ATP2B2: variants seen among roughly 807,000 people sequenced by gnomAD.
ATP2B2 encodes plasma membrane calcium-transporting ATPase 2.
A neutral mutation model predicts 120.0 loss-of-function variants in ATP2B2; 15 were observed. The observed-to-expected ratio is 0.12, with a 90% confidence interval of 0.08 to 0.19. The LOEUF (loss-of-function observed/expected upper bound fraction) is 0.19, where lower values mean the gene tolerates loss of function less well. ATP2B2 is among the 10% of genes least tolerant of loss of function. ATP2B2 has a pLI of 1.00. For synonymous variants in ATP2B2, 694 were observed against 700.3 expected (o/e 0.99, Z 0.14); for missense variants, 1,045 against 1,719.8 (o/e 0.61, Z 6.94).
chr3:10,458,339 G>T (rs2064352484), intron 1 of ATP2B2, among the ~76,000 whole-genome samples: 1 of 152,198 alleles, frequency 6.6e-6, no homozygotes, highest in Non-Finnish European at 1.5e-5. Flanking sequence ...GTCAGGATGT[G>T]CAGGCTGGGT....
chr3:10,345,467 T>C lies in ATP2B2; in HGVS notation c.2620A>G (p.Ser874Gly). ...TGGAACTGCAAGAATTTGGAGATGC[T>C]GTCATAGACGTTGCGGCCCCACATC... ...AVMWGRNVYD[S>G]ISKFLQFQLT... is the part of the protein sequence containing the mutation. The change falls in exon 18 of 23, where the codon AGC becomes GGC. Residue 874 changes from serine (S) to glycine (G), a missense_variant. Transcript: ENST00000360273. 1 of 1,614,204 alleles carries C rather than the reference T, an allele frequency of 6.2e-7. No individual in the cohort carries two copies. The highest frequency in any genetic ancestry group is 8.5e-7 in the Non-Finnish European group (1 of 1,180,028).
intron 14 of ATP2B2, among the ~76,000 whole-genome samples, chr3:10,352,634 C>T (rs3774186): frequency 6.6e-5 from 10 of 151,788 alleles, no homozygotes; most frequent in Admixed American, 2.0e-4. Context: ...TTGGGGGCCA[C>T]GTGAGCAAGG....
rs116502198 is a variant in ATP2B2, at chr3:10,589,488, C to A, written c.-415+30429G>T. 3.4e-3 allele frequency among the ~76,000 whole-genome samples: 520 copies of A among 152,262 alleles called. 3 individuals are homozygous for A. Among genetic ancestry groups the A allele is most frequent in the African/African-American group, 0.012 (487 of 41,548 alleles). On this transcript the variant is annotated intron_variant, in intron 2 of 21. Coordinates refer to the ATP2B2 transcript ENST00000646379. Reference sequence around the variant, plus strand: ...CCTGTTGCCAAACGCAGTTCCGCTGCGATGCAAGTATATGTTAATGCTGTC... The same window carrying A: ...CCTGTTGCCAAACGCAGTTCCGCTGAGATGCAAGTATATGTTAATGCTGTC...
rs2059874544 is a variant in ATP2B2 at position 10,327,300 on chromosome 3, T to C, written c.*1514A>G. On this transcript the variant is annotated 3_prime_UTR_variant, in exon 23 of 23. Coordinates refer to ENST00000360273, the MANE Select transcript of ATP2B2 (RefSeq NM_001001331.4). Reference sequence around the variant, plus strand: ...GCTTTCTGTTTGGGAAAGCAAGACTTGCTGTTAAAAGGCTACAGTATATAT... The same window carrying C: ...GCTTTCTGTTTGGGAAAGCAAGACTCGCTGTTAAAAGGCTACAGTATATAT... The C allele has an allele frequency of 6.5e-6, 1 of 154,254 alleles. No homozygotes were observed. Among genetic ancestry groups the C allele is most frequent in the Non-Finnish European group, 1.4e-5 (1 of 69,238 alleles). 9.6% of individuals were successfully genotyped at this position (154,254 alleles called of 1,614,324 possible).
intron 14 of ATP2B2, among the ~76,000 whole-genome samples, chr3:10,356,155 CGTGTGTGTGTGT>C (rs911717639): frequency 1.9e-4 from 5 of 26,532 alleles, no homozygotes; most frequent in Non-Finnish European, 2.8e-4. Context: ...TGCGTGTGTG[CGTGTGTGTGTGT>C]GTGTGTGTGT....
chr3:10,640,696 C>G (rs533423438), intron 1 of ATP2B2, among the ~76,000 whole-genome samples: 1 of 151,844 alleles, frequency 6.6e-6, no homozygotes, highest in East Asian at 1.9e-4. Flanking sequence ...CACCCCAGCC[C>G]CCATTCCCCA....
At chr3:10,530,757 G>A (rs936054360) in intron 3 of ATP2B2, among the ~76,000 whole-genome samples, 1 of 152,194 alleles carries the variant, frequency 6.6e-6, no homozygotes, top group Non-Finnish European at 1.5e-5. Flanking sequence ...AGGCCCCTCA[G>A]ATGGGAATTA....
intron 2 of ATP2B2, among the ~76,000 whole-genome samples, chr3:10,546,934 C>T (rs1365547270): frequency 1.3e-5 from 2 of 152,236 alleles, no homozygotes; most frequent in Non-Finnish European, 2.9e-5. Context: ...AGCATCTGCG[C>T]AATGTCCTCT....
intron 1 of ATP2B2, among the ~76,000 whole-genome samples, chr3:10,662,516 G>A (rs548781992): frequency 7.3e-6 from 1 of 137,278 alleles, no homozygotes; most frequent in East Asian, 2.2e-4. Flanking sequence ...GGCCATCAGA[G>A]AAATGCAAAT....
chr3:10,652,265 C>G (rs1364158796), intron 1 of ATP2B2, among the ~76,000 whole-genome samples: 1 of 152,124 alleles, frequency 6.6e-6, no homozygotes, highest in African/African-American at 2.4e-5. Context: ...GACACCTGGG[C>G]CATCCTCAAG....
upstream of ATP2B2, among the ~76,000 whole-genome samples, chr3:10,509,034 G>A (rs939782959): frequency 1.3e-5 from 2 of 152,220 alleles, no homozygotes; most frequent in African/African-American, 4.8e-5. Context: ...TTGGGGAGGG[G>A]TCCTGGAGCT....
rs1174481266 is a variant in ATP2B2, at chr3:10,343,876, C to G, written c.2704-911G>C. On this transcript the variant is annotated intron_variant, in intron 18 of 22. Transcript: ENST00000360273. The surrounding 1 kb of genome is among the most constrained non-coding windows in gnomAD (Gnocchi z 4.2). ...GTTCCTGCCTCAGCCCCATTCTCCT[C>G]CTCGTCCTGTGGCTTTAGTTACATC... Among the ~76,000 whole-genome samples, 3 of 152,168 alleles carry G rather than the reference C, an allele frequency of 2.0e-5. No individual in the cohort carries two copies.
upstream of ATP2B2, among the ~76,000 whole-genome samples, chr3:10,507,621 G>A (rs541315420): frequency 3.3e-5 from 5 of 152,326 alleles, no homozygotes; most frequent in South Asian, 2.1e-4. Flanking sequence ...CATCTTTGGC[G>A]GTAAACTGCT....
intron 12 of ATP2B2, among the ~76,000 whole-genome samples, chr3:10,364,093 C>T (rs2060975271): frequency 6.6e-6 from 1 of 152,170 alleles, no homozygotes. Context: ...ATGAAGGAAT[C>T]TTGAGGACAT....
chr3:10,465,879 C>T (rs2064716625), intron 1 of ATP2B2, among the ~76,000 whole-genome samples: 1 of 152,206 alleles, frequency 6.6e-6, no homozygotes, highest in Non-Finnish European at 1.5e-5. Context: ...CAGGCCTGCA[C>T]TGAGTTGGTC....
At chr3:10,502,594 C>T (rs115141654) in intron 1 of ATP2B2, among the ~76,000 whole-genome samples, 56 of 152,340 alleles carry the variant, frequency 3.7e-4, no homozygotes, top group African/African-American at 1.1e-3. Flanking sequence ...TTTTTATAAA[C>T]GGTCCCAGCT....
chr3:10,382,377 C>T (rs1193882437), intron 8 of ATP2B2, among the ~76,000 whole-genome samples: 1 of 148,618 alleles, frequency 6.7e-6, no homozygotes, highest in African/African-American at 2.5e-5. Flanking sequence ...GACAGAGTCT[C>T]ACTCTGTCTC....
intron 2 of ATP2B2, among the ~76,000 whole-genome samples, chr3:10,416,760 TTTTC>T (rs919262210): frequency 1.3e-5 from 2 of 151,292 alleles, no homozygotes; most frequent in African/African-American, 2.4e-5. Context: ...TTCTTTTTCT[TTTTC>T]TTTTTTTTTT....
chr3:10,648,069 A>C (rs2070365997), intron 1 of ATP2B2, among the ~76,000 whole-genome samples: 1 of 152,214 alleles, frequency 6.6e-6, no homozygotes, highest in Admixed American at 6.5e-5. Context: ...GCACTTGGGC[A>C]TATAAGTTGG....
Sources: allele counts gnomAD v4.1 joint callset (sites outside exome capture counted in the v4.1 genomes callset), GRCh38; gene constraint gnomAD v4.1.1; non-coding constraint Gnocchi (gnomAD v3.1); transcripts MANE v1.5; gene names NCBI Gene and HGNC (gene_info 2026-07-23, HGNC 2026-07-21).